Variants in LATS2 observed in about 807,000 individuals in gnomAD.
The protein encoded by LATS2 is serine/threonine-protein kinase LATS2.
In LATS2, 24 loss-of-function variants were observed where a neutral mutation model predicts 76.0. The observed-to-expected ratio is 0.32, with a 90% CI of 0.23 to 0.44. LATS2 has a LOEUF of 0.44. LATS2 is among the 20% of genes least tolerant of loss of function. The pLI is 1.00. For missense variants in LATS2, 1,286 were observed against 1,481.2 expected (o/e 0.87, Z 2.16); for synonymous variants, 692 against 635.4 (o/e 1.09, Z -1.34).
intron 2 of LATS2, among the ~76,000 whole-genome samples, chr13:21,040,058 A>T (rs928445265): frequency 2.6e-5 from 4 of 151,282 alleles, no homozygotes; most frequent in African/African-American, 9.7e-5. Context: ...GGGCAATAAG[A>T]GCGAAACTCC....
chr13:21,053,592 C>A (rs745422991), intron 1 of LATS2, among the ~76,000 whole-genome samples: 19 of 152,114 alleles, frequency 1.2e-4, no homozygotes, highest in African/African-American at 2.2e-4. Flanking sequence ...CAGTGCCACC[C>A]CAAAGGTCTA....
Position 20,990,481 on chromosome 13 carries a change from TTTTTTTA to T in LATS2, c.475+784_475+790del, listed in dbSNP as rs1208993422. 1.7e-4 allele frequency among the ~76,000 whole-genome samples: 24 copies of T among 137,796 alleles called. 2 individuals are homozygous for T. The highest frequency in any genetic ancestry group is 3.6e-4 in the Admixed American group (5 of 13,710). 90.4% of individuals were successfully genotyped at this position (137,796 alleles called of 152,430 possible). On this transcript the variant is annotated intron_variant, in intron 3 of 7. Transcript: ENST00000382592. ...CTAGGATTTTTTTTTTTTTTTTTTT[TTTTTTTA>T]AATACAGACGAGGTCTCCCTCTGTT...
intron 2 of LATS2, among the ~76,000 whole-genome samples, chr13:21,040,554 A>T (rs971131990): frequency 6.6e-6 from 1 of 152,192 alleles, no homozygotes; most frequent in Non-Finnish European, 1.5e-5. Context: ...CAACCAACGA[A>T]ATCATATGTC....
intron 1 of LATS2, among the ~76,000 whole-genome samples, chr13:21,052,725 G>A (rs560951362): frequency 6.6e-6 from 1 of 152,286 alleles, no homozygotes; most frequent in East Asian, 1.9e-4. Flanking sequence ...TAACTGTAAA[G>A]ACAGAAAAAC....
At chr13:20,987,396 T>A (rs566662107) in intron 4 of LATS2, among the ~76,000 whole-genome samples, 1 of 152,204 alleles carries the variant, frequency 6.6e-6, no homozygotes, top group Non-Finnish European at 1.5e-5. Context: ...AGCACTTCAG[T>A]GTCAACTAAG....
In LATS2 at chr13:20,986,077, T is replaced by C. The variant is rs535759135; in HGVS notation, c.1899+1804A>G. 5.9e-5 allele frequency among the ~76,000 whole-genome samples: 9 copies of C among 152,166 alleles called. No homozygotes were observed. In the East Asian group the frequency reaches 7.7e-4, roughly 13 times the overall value. ...AAAAAAAGTGAGCTAATGACCTGAA[T>C]AGACACTTGTCAAAAGAAGATACAC... On this transcript the variant is annotated intron_variant, in intron 4 of 7. Coordinates refer to ENST00000382592, the MANE Select transcript of LATS2 (RefSeq NM_014572.3).
chr13:21,041,496 G>A (rs1479806373), intron 2 of LATS2, among the ~76,000 whole-genome samples: 1 of 152,016 alleles, frequency 6.6e-6, no homozygotes, highest in Admixed American at 6.6e-5. Context: ...TGATAAAGTG[G>A]GGGGAAAGAA....
rs1869547469 is a variant in LATS2, at chr13:20,975,213, G to A, written c.2924C>T (p.Ala975Val). The change falls in exon 8 of 8, where the codon GCC becomes GTC. Residue 975 changes from alanine (A) to valine (V), a missense_variant. This residue lies in a region of LATS2 where 210 missense variants were observed against 234.9 expected (regional missense o/e 0.89). Transcript: ENST00000382592. ...DDLKAHPFFSAIDFSSDIRKQ... is the reference protein window; with the variant it reads ...DDLKAHPFFSVIDFSSDIRKQ... The stretch of plus-strand genomic sequence containing the variant: ...CCGGATGTCACTGGAGAAGTCAATG[G>A]CGCTGAAGAAGGGGTGGGCCTTCAG... 1 of 1,614,214 alleles carries A rather than the reference G, an allele frequency of 6.2e-7. No individual in the cohort carries two copies. The highest frequency in any genetic ancestry group is 8.5e-7 in the Non-Finnish European group (1 of 1,180,034).
Position 20,995,505 on chromosome 13 carries a change from G to C in LATS2, c.343-4101C>G, listed in dbSNP as rs143755377. 4.2e-4 allele frequency among the ~76,000 whole-genome samples: 64 copies of C among 152,326 alleles called. No individual in the cohort carries two copies. In the East Asian group the frequency reaches 0.011, roughly 27 times the overall value. On this transcript the variant is annotated intron_variant, in intron 2 of 7. Transcript: ENST00000382592. ...GTTCAGGTATGTGTTCTGGTGTCTA[G>C]CGTGTAGAAAGAGATCAGCAGATAT...
chr13:21,023,660 AAAAAAAAAAAAAAAAAAAAAAAAC>A (rs916520354), intron 2 of LATS2, among the ~76,000 whole-genome samples: 53 of 36,912 alleles, frequency 1.4e-3, no homozygotes, highest in South Asian at 0.013. Flanking sequence ...AAAAAAAAAA[AAAAAAAAAAAAAAAAAAAAAAAAC>A]AAACCTCGGC....
At chr13:20,977,611 ATAAT>A in intron 7 of LATS2, among the ~76,000 whole-genome samples, 1 of 145,228 alleles carries the variant, frequency 6.9e-6, no homozygotes, top group South Asian at 2.2e-4. Context: ...AATAATTAAA[ATAAT>A]TATTAAATAA....
At chr13:21,009,179 A>C (rs951491536) in intron 2 of LATS2, among the ~76,000 whole-genome samples, 2 of 152,224 alleles carry the variant, frequency 1.3e-5, no homozygotes, top group Non-Finnish European at 2.9e-5. Flanking sequence ...AAACGAACAA[A>C]TGAATGAATG....
At chr13:21,051,567 C>T (rs1022816761) in intron 1 of LATS2, among the ~76,000 whole-genome samples, 2 of 152,152 alleles carry the variant, frequency 1.3e-5, no homozygotes, top group African/African-American at 4.8e-5. Context: ...GTGGTGGTGC[C>T]ATTCTCTGAG....
At chr13:21,024,025 C>A (rs1432206071) in intron 2 of LATS2, among the ~76,000 whole-genome samples, 1 of 142,592 alleles carries the variant, frequency 7.0e-6, no homozygotes, top group African/African-American at 2.6e-5. Context: ...AACAAGCAGG[C>A]ATCCTCGGGA....
At chr13:20,997,167 G>T (rs1382273948) in intron 2 of LATS2, among the ~76,000 whole-genome samples, 1 of 152,182 alleles carries the variant, frequency 6.6e-6, no homozygotes, top group South Asian at 2.1e-4. Context: ...GACAAACTGA[G>T]GTTTCACTGG....
At chr13:20,979,921 T>G in intron 6 of LATS2, 124 bp from the exon 7 acceptor site, 3 of 534,612 alleles carry the variant, frequency 5.6e-6, no homozygotes. Flanking sequence ...CATCGCACTG[T>G]GCGCAAGATG....
chr13:20,982,603 G>A (rs1225858881), intron 5 of LATS2, among the ~76,000 whole-genome samples: 6 of 152,104 alleles, frequency 3.9e-5, no homozygotes, highest in Non-Finnish European at 7.3e-5. Context: ...GAGCCACCAT[G>A]CCCAGCCAAA....
At position 21,034,565 on chromosome 13, in the gene LATS2, G is replaced by C. The variant is rs74039803; in HGVS notation, c.342+11120C>G. 5.2e-3 allele frequency among the ~76,000 whole-genome samples: 794 copies of C among 152,324 alleles called. 6 individuals are homozygous for C. Among genetic ancestry groups the C allele is most frequent in the African/African-American group, 0.017 (713 of 41,582 alleles). On this transcript the variant is annotated intron_variant, in intron 2 of 7. Coordinates refer to ENST00000382592, the MANE Select transcript of LATS2 (RefSeq NM_014572.3). ...ACTTGCTAAGGGTGGCAGATAGAGAGAGAAGGTGCCTATTCCTGATGACAC... is the reference window on the plus strand; with the variant it reads ...ACTTGCTAAGGGTGGCAGATAGAGACAGAAGGTGCCTATTCCTGATGACAC...
intron 2 of LATS2, among the ~76,000 whole-genome samples, chr13:21,001,990 T>C (rs9579998): frequency 0.41 from 61,990 of 151,598 alleles, 14,340 homozygotes; most frequent in East Asian, 0.61. Context: ...CTCGGCTCAC[T>C]GCAAGCTCCG....
Sources: allele counts gnomAD v4.1 joint callset (sites outside exome capture counted in the v4.1 genomes callset), GRCh38; gene constraint gnomAD v4.1.1; regional missense constraint gnomAD v4.1.1; transcripts MANE v1.5; gene names NCBI Gene and HGNC (gene_info 2026-07-23, HGNC 2026-07-21).